Variants in HIVEP1 observed in about 807,000 individuals in gnomAD.
HIVEP1 encodes the protein HIVEP zinc finger 1.
A neutral mutation model predicts 180.0 loss-of-function variants in HIVEP1; 36 were observed. The ratio of observed to expected loss-of-function variants is 0.20; its 90% CI spans 0.15 to 0.26. The LOEUF is 0.26. Among genes scored for constraint, HIVEP1 ranks in the 10% least tolerant of loss-of-function variants. HIVEP1 has a pLI of 1.00. For synonymous variants in HIVEP1, 1,239 were observed against 1,239.0 expected, an observed-to-expected ratio of 1.00 and a Z score of 0.00; for missense variants, 3,143 against 3,268.7, an observed-to-expected ratio of 0.96 and a Z score of 0.94.
At chr6:12,112,545 C>T (rs1774965247) in intron 3 of HIVEP1, among the ~76,000 whole-genome samples, 1 of 152,044 alleles carries the variant, frequency 6.6e-6, no homozygotes, top group Non-Finnish European at 1.5e-5. Flanking sequence ...TTCTACTACC[C>T]TGTTTATTCT....
At chr6:12,169,813 T>C (rs1325110111), downstream of HIVEP1, among the ~76,000 whole-genome samples, 1 of 151,960 alleles carries the variant, frequency 6.6e-6, no homozygotes, top group African/African-American at 2.4e-5. Context: ...CACTCAGACA[T>C]TCGATAATAT....
chr6:12,057,166 G>A (rs1770938576), intron 2 of HIVEP1, among the ~76,000 whole-genome samples: 1 of 152,102 alleles, frequency 6.6e-6, no homozygotes, highest in Non-Finnish European at 1.5e-5. Context: ...CTAACTTGGT[G>A]ATGATATTTT....
rs78201725 is a variant in HIVEP1, at chr6:12,015,538, T to C, written c.-91T>C. 4.1e-6 allele frequency: 4 copies of C among 979,544 alleles called. No individual in the cohort carries two copies. The highest frequency in any genetic ancestry group is 3.2e-6 in the Non-Finnish European group (2 of 623,540). 60.7% of individuals were successfully genotyped at this position (979,544 alleles called of 1,614,324 possible). A position where few individuals can be genotyped will look rare whatever the true frequency, so the allele number is the denominator to read the frequency against. ...TTTTCTTTTTCAGCACATGGATTAA[T>C]TGATGTATGTTGAGTTTATGGAGCT... On this transcript the variant is annotated 5_prime_UTR_variant, in exon 2 of 9. Transcript: ENST00000379388.
intron 2 of HIVEP1, among the ~76,000 whole-genome samples, chr6:12,075,938 T>C (rs9470903): frequency 0.27 from 41,433 of 152,182 alleles, 5,849 homozygotes; most frequent in East Asian, 0.47. Flanking sequence ...TTGTCCCCAG[T>C]AGTGTAATTT....
chr6:12,050,716 C>T (rs528342769), intron 2 of HIVEP1, among the ~76,000 whole-genome samples: 11 of 152,126 alleles, frequency 7.2e-5, no homozygotes, highest in Non-Finnish European at 1.5e-4. Flanking sequence ...TCAGGCCCCT[C>T]CAGACAGTCT....
At chr6:12,117,882 G>A (rs1167375215) in intron 3 of HIVEP1, among the ~76,000 whole-genome samples, 1 of 152,180 alleles carries the variant, frequency 6.6e-6, no homozygotes, top group African/African-American at 2.4e-5. Flanking sequence ...TGGATAGAGA[G>A]ACTACTCAGC....
At chr6:12,070,790 G>A (rs1037716897) in intron 2 of HIVEP1, among the ~76,000 whole-genome samples, 10 of 152,102 alleles carry the variant, frequency 6.6e-5, no homozygotes, top group Admixed American at 2.6e-4. Context: ...CCACTCAACC[G>A]CCTCCATGAT....
intron 2 of HIVEP1, among the ~76,000 whole-genome samples, chr6:12,026,040 C>CAA (rs113797667): frequency 1.2e-3 from 158 of 130,322 alleles, no homozygotes; most frequent in African/African-American, 3.6e-3. Flanking sequence ...AACCCCATAT[C>CAA]AAAAAAAAAA....
chr6:12,023,319 G>A (rs1768370903), intron 2 of HIVEP1, among the ~76,000 whole-genome samples: 1 of 151,988 alleles, frequency 6.6e-6, no homozygotes, highest in Non-Finnish European at 1.5e-5. Flanking sequence ...GAGCTGATAA[G>A]TGGAGTAGGT....
intron 3 of HIVEP1, among the ~76,000 whole-genome samples, chr6:12,101,295 GTATA>G (rs1259284430): frequency 6.6e-6 from 1 of 152,008 alleles, no homozygotes; most frequent in East Asian, 1.9e-4. Context: ...AATACTCTAA[GTATA>G]TACTTGGTTT....
chr6:12,065,040 T>A (rs1015533138), intron 2 of HIVEP1, among the ~76,000 whole-genome samples: 82 of 152,298 alleles, frequency 5.4e-4, no homozygotes, highest in African/African-American at 1.8e-3. Flanking sequence ...ACATAATAGA[T>A]AATTTAAGGC....
At chr6:12,119,863 G>GTTT in intron 3 of HIVEP1, 27 bp from the exon 4 acceptor site, 1 of 1,411,716 alleles carries the variant, frequency 7.1e-7, no homozygotes, top group East Asian at 2.3e-5. Flanking sequence ...GTTACCAATT[G>GTTT]TTTGTTGTTG....
chr6:12,125,389 C>T lies in HIVEP1; in HGVS notation c.5594C>T (p.Thr1865Ile), dbSNP rs1192071042. 3.7e-6 allele frequency: 6 copies of T among 1,613,704 alleles called. No individual in the cohort carries two copies. Among genetic ancestry groups the T allele is most frequent in the Non-Finnish European group, 5.1e-6 (6 of 1,179,794 alleles). ...GAATTTGAAAACATCAAGTCATCCA[C>T]ATCATTAACTCTTACAGTTCGAAGT... is the stretch of plus-strand genomic sequence containing the variant. ...LQEFENIKSS[T>I]SLTLTVRSSP... The change falls in exon 4 of 9, where the codon ACA becomes ATA. Residue 1865 changes from threonine to isoleucine, a missense_variant. By Grantham distance (89) the Thr-to-Ile change is moderately conservative. This residue lies in a region of HIVEP1 where 1,357 missense variants were observed against 1,260.5 expected (regional missense o/e 1.08). Coordinates refer to ENST00000379388, the MANE Select transcript of HIVEP1 (RefSeq NM_002114.4).
At chr6:12,017,001 C>T (rs991027070) in intron 2 of HIVEP1, among the ~76,000 whole-genome samples, 3 of 152,208 alleles carry the variant, frequency 2.0e-5, no homozygotes, top group African/African-American at 7.2e-5. Flanking sequence ...AGCACAGTTC[C>T]TGGCAGCTAA....
At chr6:12,191,855 C>T in the HIVEP1 span, among the ~76,000 whole-genome samples, 1 of 152,082 alleles carries the variant, frequency 6.6e-6, no homozygotes, top group African/African-American at 2.4e-5. Flanking sequence ...TTGGCCTGTG[C>T]TTTTGTAAAA....
At chr6:12,017,441 G>A (rs866337247) in intron 2 of HIVEP1, among the ~76,000 whole-genome samples, 4 of 152,236 alleles carry the variant, frequency 2.6e-5, no homozygotes, top group Non-Finnish European at 5.9e-5. Context: ...AGCTCATAAA[G>A]GCAGTACAGA....
intron 2 of HIVEP1, among the ~76,000 whole-genome samples, chr6:12,061,095 C>T (rs140589277): frequency 4.4e-4 from 67 of 152,064 alleles, no homozygotes; most frequent in Non-Finnish European, 7.4e-4. Context: ...TGGGGATGGC[C>T]GACCTGTCAT....
chr6:12,040,413 G>T (rs1769600720), intron 2 of HIVEP1, among the ~76,000 whole-genome samples: 2 of 152,098 alleles, frequency 1.3e-5, no homozygotes, highest in Non-Finnish European at 2.9e-5. Flanking sequence ...CTTTAATAAA[G>T]ATACAGGTAG....
chr6:12,020,224 T>C, intron 2 of HIVEP1: 1 of 442,756 alleles, frequency 2.3e-6, no homozygotes, highest in South Asian at 1.7e-5. Context: ...GAATCAGTTC[T>C]CCATGCCTGT....
Sources: gnomAD v4.1 joint callset for allele counts (sites outside exome capture counted in the v4.1 genomes callset) on GRCh38, gnomAD v4.1.1 for gene constraint, gnomAD v4.1.1 regional missense constraint, MANE v1.5 for transcripts, NCBI Gene and HGNC (gene_info 2026-07-23, HGNC 2026-07-21) for gene names.